Variants in TMEM263 observed in about 807,000 individuals in gnomAD.
TMEM263 encodes the protein UPF0444 transmembrane protein C12orf23.
Under a neutral mutation model 8.6 loss-of-function variants are expected in TMEM263, and 5 were observed. That is an observed-to-expected ratio of 0.58 (90% CI 0.31 to 1.23). The LOEUF is 1.23. TMEM263 is among the 50% of genes most tolerant of loss of function. The pLI is 0.07. For missense variants in TMEM263, 104 were observed against 138.8 expected (o/e 0.75, Z 1.26); for synonymous variants, 50 against 47.9 (o/e 1.04, Z -0.18).
In TMEM263 at chr12:106,956,072, G is replaced by T. The variant is rs1015120955; in HGVS notation, c.-75+7G>T. ...GCTGGCCGCGACCCCGGCGGTGAGT[G>T]AGTCGGGATGCGAGGGCAGGGGCGC... On this transcript the variant is annotated splice_region_variant and intron_variant, in intron 1 of 3. Coordinates refer to ENST00000280756, the MANE Select transcript of TMEM263 (RefSeq NM_152261.4). The T allele has an allele frequency of 6.8e-5, 67 of 982,534 alleles. No individual in the cohort carries two copies. The highest frequency in any genetic ancestry group is 8.0e-5 in the Non-Finnish European group (66 of 827,410). 60.9% of individuals were successfully genotyped at this position (982,534 alleles called of 1,614,324 possible).
intron 2 of TMEM263, 166 bp from the exon 3 acceptor site, chr12:106,966,945 G>A: frequency 1.8e-6 from 1 of 568,628 alleles, no homozygotes; most frequent in Non-Finnish European, 3.1e-6. Context: ...TTTATTAAAT[G>A]CCGCAGTTTG....
At chr12:106,967,933 G>A (rs1951867457) in intron 3 of TMEM263, among the ~76,000 whole-genome samples, 1 of 152,144 alleles carries the variant, frequency 6.6e-6, no homozygotes, top group Non-Finnish European at 1.5e-5. Flanking sequence ...CTTGGGATCT[G>A]CTTCATTTGT....
chr12:106,967,667 G>T (rs1951864916), intron 3 of TMEM263, among the ~76,000 whole-genome samples: 1 of 152,212 alleles, frequency 6.6e-6, no homozygotes, highest in Non-Finnish European at 1.5e-5. Context: ...AGCATAGATA[G>T]TGGTGAATAG....
intron 1 of TMEM263, 70 bp from the exon 2 acceptor site, chr12:106,957,012 G>C: frequency 1.1e-6 from 1 of 911,618 alleles, no homozygotes; most frequent in Non-Finnish European, 1.3e-6. Flanking sequence ...TTGCGTCCTT[G>C]TGAACACTGT....
At chr12:106,962,722 T>A (rs1951795813) in intron 2 of TMEM263, among the ~76,000 whole-genome samples, 1 of 152,214 alleles carries the variant, frequency 6.6e-6, no homozygotes, top group African/African-American at 2.4e-5. Flanking sequence ...TACAGCTTGT[T>A]CAGAAACAAG....
intron 2 of TMEM263, among the ~76,000 whole-genome samples, chr12:106,957,887 A>G (rs1951722017): frequency 6.6e-6 from 1 of 152,204 alleles, no homozygotes; most frequent in African/African-American, 2.4e-5. Context: ...GCCATCTTTA[A>G]AAGCAGACTC....
In TMEM263 at chr12:106,971,121, C is replaced by A. The variant is rs565734588; in HGVS notation, c.81C>A (p.His27Gln). Residue 27 changes from histidine to glutamine, a missense_variant, in exon 4 of 4, where the codon CAC becomes CAA. His to Gln is a conservative substitution (Grantham distance 24). Transcript: ENST00000280756. ...DEPPEGSMKD[H>Q]PQQQPGMLSR... Reference sequence around the variant, plus strand: ...TCTCATTAGGTTCAATGAAAGATCACCCACAGCAGCAGCCAGGCATGTTGT... The same window carrying A: ...TCTCATTAGGTTCAATGAAAGATCAACCACAGCAGCAGCCAGGCATGTTGT... 49 of 1,614,054 alleles carry A rather than the reference C, an allele frequency of 3.0e-5. No individual in the cohort carries two copies. In the South Asian group the frequency reaches 4.8e-4, roughly 16 times the overall value.
Position 106,973,362 on chromosome 12 carries a change from A to G in TMEM263, c.*1971A>G, listed in dbSNP as rs1485384799. On this transcript the variant is annotated 3_prime_UTR_variant, in exon 4 of 4. Coordinates refer to ENST00000280756, the MANE Select transcript of TMEM263 (RefSeq NM_152261.4). ...GTTTGTATTTCTAACTTCTACAGTTATAGACTCCACTGTGCTTTGTGTCTG... is the reference window on the plus strand; with the variant it reads ...GTTTGTATTTCTAACTTCTACAGTTGTAGACTCCACTGTGCTTTGTGTCTG... 6.6e-6 allele frequency: 1 copy of G among 152,586 alleles called. No homozygotes were observed. Among genetic ancestry groups the G allele is most frequent in the Non-Finnish European group, 1.5e-5 (1 of 68,002 alleles). The allele number at this position is 152,586 out of a possible 1,614,324, so 9.5% of individuals were successfully genotyped here. A position where few individuals can be genotyped will look rare whatever the true frequency, so the allele number is the denominator to read the frequency against.
intron 2 of TMEM263, among the ~76,000 whole-genome samples, chr12:106,958,774 T>C (rs1029280975): frequency 2.0e-5 from 3 of 152,190 alleles, no homozygotes; most frequent in Admixed American, 1.3e-4. Flanking sequence ...GAAAAGTATG[T>C]GTTGTTTTGT....
At chr12:106,971,017 G>T in intron 3 of TMEM263, 88 bp from the exon 4 acceptor site, 1 of 1,380,294 alleles carries the variant, frequency 7.2e-7, no homozygotes, top group Non-Finnish European at 1.0e-6. Context: ...CTGTTGTGAG[G>T]AAGTCTTAGG....
chr12:106,959,942 T>G (rs1951747666), intron 2 of TMEM263, among the ~76,000 whole-genome samples: 1 of 152,202 alleles, frequency 6.6e-6, no homozygotes, highest in South Asian at 2.1e-4. Context: ...AAATTAGTAA[T>G]AATTTTTATT....
intron 3 of TMEM263, among the ~76,000 whole-genome samples, chr12:106,967,907 T>A (rs1951867121): frequency 6.6e-6 from 1 of 152,224 alleles, no homozygotes; most frequent in Admixed American, 6.5e-5. Flanking sequence ...GTACCTCTCC[T>A]CTATTAACAC....
chr12:106,956,061 C>T lies in TMEM263; in HGVS notation c.-79C>T, dbSNP rs1359240292. On this transcript the variant is annotated 5_prime_UTR_variant, in exon 1 of 4. Transcript: ENST00000280756. ...CCAGCCCTAGCGCTGGCCGCGACCCCGGCGGTGAGTGAGTCGGGATGCGAG... is the reference window on the plus strand; with the variant it reads ...CCAGCCCTAGCGCTGGCCGCGACCCTGGCGGTGAGTGAGTCGGGATGCGAG... The T allele has an allele frequency of 2.0e-6, 2 of 984,832 alleles. No individual in the cohort carries two copies. Among genetic ancestry groups the T allele is most frequent in the South Asian group, 4.7e-5 (1 of 21,276 alleles). 61.0% of individuals were successfully genotyped at this position (984,832 alleles called of 1,614,324 possible). A position where few individuals can be genotyped will look rare whatever the true frequency, so the allele number is the denominator to read the frequency against.
chr12:106,969,161 A>T (rs1055156858), intron 3 of TMEM263, among the ~76,000 whole-genome samples: 7 of 152,252 alleles, frequency 4.6e-5, no homozygotes, highest in Admixed American at 4.6e-4. Context: ...AAGAAAAATT[A>T]TCTCAAGGTA....
At chr12:106,963,027 A>G (rs536896264) in intron 2 of TMEM263, among the ~76,000 whole-genome samples, 1 of 152,210 alleles carries the variant, frequency 6.6e-6, no homozygotes, top group Non-Finnish European at 1.5e-5. Context: ...CTCATCTATT[A>G]TAAGGTGGTC....
At position 106,956,351 on chromosome 12, in the gene TMEM263, G is replaced by T. The variant is rs916899375; in HGVS notation, c.-75+286G>T. ...CTCCGCCTGACTTCTTAGCATCTGG[G>T]GGTTCGGGGTTGGGGGCGGAGGAGG... On this transcript the variant is annotated intron_variant, in intron 1 of 3. Transcript: ENST00000280756. 2.1e-4 allele frequency among the ~76,000 whole-genome samples: 32 copies of T among 152,292 alleles called. 1 individual carries two copies. The highest frequency in any genetic ancestry group is 7.2e-4 in the African/African-American group (30 of 41,562).
intron 2 of TMEM263, among the ~76,000 whole-genome samples, chr12:106,966,689 G>A (rs1043406746): frequency 2.7e-5 from 4 of 150,160 alleles, no homozygotes; most frequent in African/African-American, 1.0e-4. Context: ...ACCTTTTTTA[G>A]TTCTGGTATA....
chr12:106,957,250 A>C, intron 2 of TMEM263, 101 bp downstream of exon 2: 1 of 819,768 alleles, frequency 1.2e-6, no homozygotes, highest in Non-Finnish European at 1.5e-6. Context: ...AACTTTTTAA[A>C]AAGAAAGGGA....
At chr12:106,961,980 T>C (rs1951783390) in intron 2 of TMEM263, among the ~76,000 whole-genome samples, 1 of 152,242 alleles carries the variant, frequency 6.6e-6, no homozygotes, top group Admixed American at 6.5e-5. Flanking sequence ...ACATAATCTT[T>C]AAAAATATTT....
Sources: allele counts gnomAD v4.1 joint callset (sites outside exome capture counted in the v4.1 genomes callset), GRCh38; gene constraint gnomAD v4.1.1; transcripts MANE v1.5; gene names NCBI Gene and HGNC (gene_info 2026-07-23, HGNC 2026-07-21).